ATXN7L1: variants seen among roughly 807,000 people sequenced by gnomAD.
The protein encoded by ATXN7L1 is ataxin 7 like 1, also known as ataxin-7-like protein 1.
In ATXN7L1, 15 loss-of-function variants were observed where a neutral mutation model predicts 70.8. The ratio of observed to expected loss-of-function variants is 0.21; its 90% CI spans 0.14 to 0.33. ATXN7L1 has a LOEUF of 0.33. Ranked by LOEUF, ATXN7L1 falls within the 10% of genes least tolerant of loss-of-function variation. The pLI is 1.00. For synonymous variants in ATXN7L1, 440 were observed against 445.1 expected (o/e 0.99, Z 0.14); for missense variants, 975 against 1,097.1 (o/e 0.89, Z 1.57).
At chr7:105,711,402 C>T (rs1563027171) in intron 3 of ATXN7L1, among the ~76,000 whole-genome samples, 1 of 152,214 alleles carries the variant, frequency 6.6e-6, no homozygotes, top group East Asian at 1.9e-4. Context: ...TCATCTGAGA[C>T]AAGGTAAGTC....
chr7:105,832,959 A>G (rs901838363), intron 2 of ATXN7L1, among the ~76,000 whole-genome samples: 10 of 152,110 alleles, frequency 6.6e-5, no homozygotes, highest in African/African-American at 1.9e-4. Context: ...CCGTGCTTCT[A>G]CCTTTACCCC....
chr7:105,729,732 A>T (rs1262510258), intron 3 of ATXN7L1, among the ~76,000 whole-genome samples: 7 of 122,560 alleles, frequency 5.7e-5, no homozygotes, highest in Non-Finnish European at 1.2e-4. Context: ...GCCTGGCACC[A>T]CTTCTTTTTT....
At chr7:105,841,860 G>A (rs901095745) in intron 2 of ATXN7L1, among the ~76,000 whole-genome samples, 1 of 152,156 alleles carries the variant, frequency 6.6e-6, no homozygotes, top group Admixed American at 6.5e-5. Context: ...TCCACTGGGG[G>A]TCTTGGAACT....
At chr7:105,737,207 G>C (rs1797478610) in intron 3 of ATXN7L1, among the ~76,000 whole-genome samples, 1 of 152,216 alleles carries the variant, frequency 6.6e-6, no homozygotes, top group Non-Finnish European at 1.5e-5. Flanking sequence ...TATTGCCATA[G>C]ATTTTCACAT....
At chr7:105,834,663 CTT>C (rs1812102551) in intron 2 of ATXN7L1, among the ~76,000 whole-genome samples, 1 of 152,174 alleles carries the variant, frequency 6.6e-6, no homozygotes, top group Admixed American at 6.5e-5. Context: ...CTGTAAGTTT[CTT>C]GAGAGAGAGC....
Position 105,607,724 on chromosome 7 carries a change from A to G in ATXN7L1, c.*128T>C. On this transcript the variant is annotated 3_prime_UTR_variant, in exon 12 of 12. Transcript: ENST00000419735. ...AATTAAAAAAAGAAGAAGAAAGGCC[A>G]GAGTCACAGGGAGTGCACAGAAAAC... 1.4e-6 allele frequency: 1 copy of G among 710,500 alleles called. No homozygotes were observed. 44.0% of individuals were successfully genotyped at this position (710,500 alleles called of 1,614,324 possible).
intron 5 of ATXN7L1, among the ~76,000 whole-genome samples, chr7:105,642,129 G>A (rs1231407388): frequency 6.6e-6 from 1 of 152,272 alleles, no homozygotes; most frequent in Admixed American, 6.5e-5. Context: ...ACAGCAGATC[G>A]ATCCAAAGCA....
intron 2 of ATXN7L1, among the ~76,000 whole-genome samples, chr7:105,873,723 G>A (rs1818615755): frequency 6.6e-6 from 1 of 152,160 alleles, no homozygotes; most frequent in African/African-American, 2.4e-5. Context: ...ATGCAAATAT[G>A]TATAATTAGG....
intron 3 of ATXN7L1, among the ~76,000 whole-genome samples, chr7:105,776,608 C>G (rs534394148): frequency 6.6e-6 from 1 of 152,018 alleles, no homozygotes; most frequent in Non-Finnish European, 1.5e-5. Context: ...GACAGGGGTC[C>G]TTGTTCCTTG....
At chr7:105,796,316 C>G (rs769688113) in intron 2 of ATXN7L1, among the ~76,000 whole-genome samples, 1 of 152,116 alleles carries the variant, frequency 6.6e-6, no homozygotes, top group South Asian at 2.1e-4. Flanking sequence ...GAACAGAGAT[C>G]GCGCCACTGT....
chr7:105,636,319 C>A (rs189888600), intron 7 of ATXN7L1, among the ~76,000 whole-genome samples: 1 of 150,190 alleles, frequency 6.7e-6, no homozygotes, highest in Non-Finnish European at 1.5e-5. Context: ...TGGTGGAACC[C>A]GGGAGGCGGA....
chr7:105,866,416 G>C (rs1817482824), intron 2 of ATXN7L1, among the ~76,000 whole-genome samples: 1 of 152,152 alleles, frequency 6.6e-6, no homozygotes, highest in African/African-American at 2.4e-5. Flanking sequence ...CAGGTACAAG[G>C]ATAAAGTGTC....
chr7:105,812,189 C>T (rs991905084), intron 2 of ATXN7L1, among the ~76,000 whole-genome samples: 1 of 152,216 alleles, frequency 6.6e-6, no homozygotes, highest in Non-Finnish European at 1.5e-5. Context: ...AACCAGCTCC[C>T]TGGCACAGAG....
chr7:105,656,351 A>G (rs750491054), intron 4 of ATXN7L1, among the ~76,000 whole-genome samples: 1 of 152,178 alleles, frequency 6.6e-6, no homozygotes, highest in Non-Finnish European at 1.5e-5. Context: ...ACTGTCATCA[A>G]CTACATAGAT....
At chr7:105,848,636 A>G in intron 2 of ATXN7L1, among the ~76,000 whole-genome samples, 1 of 152,240 alleles carries the variant, frequency 6.6e-6, no homozygotes, top group Non-Finnish European at 1.5e-5. Flanking sequence ...ACAAAAGGTC[A>G]GCACTGGTTA....
At chr7:105,791,809 A>G (rs1023510960) in intron 2 of ATXN7L1, among the ~76,000 whole-genome samples, 1 of 152,180 alleles carries the variant, frequency 6.6e-6, no homozygotes, top group Non-Finnish European at 1.5e-5. Flanking sequence ...GCTGCCTGAC[A>G]TCCTTTCTGC....
rs956918212 is a variant in ATXN7L1, at chr7:105,644,514, C to A, written c.579-1393G>T. Among the ~76,000 whole-genome samples, 15 of 152,274 alleles carry A rather than the reference C, an allele frequency of 9.9e-5. 1 individual carries two copies. The highest frequency in any genetic ancestry group is 3.4e-3 in the Middle Eastern group (1 of 294). ...TTTTTTGTAACAAACCCTGCCACTGCCAATTCCGTCCCTGATCAGAGTGTC... is the reference window on the plus strand; with the variant it reads ...TTTTTTGTAACAAACCCTGCCACTGACAATTCCGTCCCTGATCAGAGTGTC... On this transcript the variant is annotated intron_variant, in intron 4 of 11. Transcript: ENST00000419735.
chr7:105,869,801 CT>C (rs966105646), intron 2 of ATXN7L1, among the ~76,000 whole-genome samples: 9 of 150,124 alleles, frequency 6.0e-5, no homozygotes, highest in Admixed American at 2.7e-4. Flanking sequence ...CTATTCAGGA[CT>C]TTTTTTTTTC....
chr7:105,699,743 G>A (rs1792201626), intron 3 of ATXN7L1, among the ~76,000 whole-genome samples: 1 of 152,144 alleles, frequency 6.6e-6, no homozygotes, highest in African/African-American at 2.4e-5. Flanking sequence ...AAACCATGAT[G>A]ATTGCCCCAT....
Sources: gnomAD v4.1 joint callset for allele counts (sites outside exome capture counted in the v4.1 genomes callset) on GRCh38, gnomAD v4.1.1 for gene constraint, MANE v1.5 for transcripts, NCBI Gene and HGNC (gene_info 2026-07-23, HGNC 2026-07-21) for gene names.